NAA60: variants seen among roughly 807,000 people sequenced by gnomAD.
NAA60 encodes N-alpha-acetyltransferase 60.
NAA60 carries 8 observed loss-of-function variants against 26.1 expected under a neutral mutation model. The ratio of observed to expected loss-of-function variants is 0.31; its 90% CI spans 0.18 to 0.55. The LOEUF is 0.55. Ranked by LOEUF, NAA60 falls within the 20% of genes least tolerant of loss-of-function variation. The probability of loss-of-function intolerance (pLI) is 0.93; values close to 1 mark genes in which losing one functional copy is unlikely to be tolerated. For synonymous variants in NAA60, 131 were observed against 122.5 expected (o/e 1.07, Z -0.46); for missense variants, 290 against 311.3 (o/e 0.93, Z 0.51).
intron 2 of NAA60, among the ~76,000 whole-genome samples, chr16:3,451,803 A>G: frequency 6.6e-6 from 1 of 151,978 alleles, no homozygotes; most frequent in East Asian, 1.9e-4. Context: ...CTGTACTCCC[A>G]GCTACTCGGG....
chr16:3,448,346 C>G, intron 1 of NAA60, 125 bp from the exon 2 acceptor site: 1 of 635,974 alleles, frequency 1.6e-6, no homozygotes, highest in Non-Finnish European at 2.6e-6. Flanking sequence ...TTAATTTTTC[C>G]CCAAAAGGGC....
intron 2 of NAA60, among the ~76,000 whole-genome samples, chr16:3,454,878 G>A (rs967520680): frequency 2.6e-5 from 4 of 152,178 alleles, no homozygotes; most frequent in Non-Finnish European, 4.4e-5. Flanking sequence ...AACACAAAGA[G>A]AAAGGGTGGA....
At chr16:3,479,405 T>G (rs2036685848) in intron 3 of NAA60, 66 bp from the exon 4 acceptor site, 1 of 1,574,652 alleles carries the variant, frequency 6.4e-7, no homozygotes. Flanking sequence ...GGTTCTGATG[T>G]CTAGAGCACG....
intron 2 of NAA60, among the ~76,000 whole-genome samples, chr16:3,465,184 G>C (rs1458712856): frequency 1.3e-5 from 2 of 151,476 alleles, no homozygotes; most frequent in Non-Finnish European, 2.9e-5. Context: ...GGAGAATGGC[G>C]TGAACCCGGG....
intron 2 of NAA60, among the ~76,000 whole-genome samples, chr16:3,469,161 C>T (rs370580404): frequency 6.6e-6 from 1 of 152,170 alleles, no homozygotes; most frequent in African/African-American, 2.4e-5. Flanking sequence ...AGTAGAGATG[C>T]GTCCTGTGCC....
At chr16:3,450,699 C>CAA (rs539095336) in intron 2 of NAA60, among the ~76,000 whole-genome samples, 463 of 72,996 alleles carry the variant, frequency 6.3e-3, no homozygotes, top group Middle Eastern at 0.015. Flanking sequence ...GACTCCGTCT[C>CAA]AAAAAAAAAA....
chr16:3,450,415 C>T (rs2034728855), intron 2 of NAA60, among the ~76,000 whole-genome samples: 1 of 152,094 alleles, frequency 6.6e-6, no homozygotes, highest in Non-Finnish European at 1.5e-5. Context: ...GAAAGTTGTG[C>T]TCCTGCTGGG....
intron 2 of NAA60, among the ~76,000 whole-genome samples, chr16:3,460,433 G>A (rs1453034837): frequency 4.6e-5 from 7 of 152,070 alleles, no homozygotes; most frequent in African/African-American, 1.7e-4. Context: ...GCGTAATCTC[G>A]GCTCACCGCA....
chr16:3,455,946 T>C lies in NAA60; in HGVS notation c.-7+7406T>C, dbSNP rs541961975. Among the ~76,000 whole-genome samples, 73 of 148,346 alleles carry C rather than the reference T, an allele frequency of 4.9e-4. No homozygotes were observed. The South Asian group carries it at 0.015, about 31-fold the overall frequency. On this transcript the variant is annotated intron_variant, in intron 2 of 7. Transcript: ENST00000407558. ...GGTCTCGATATCTTGACCTCATGGTTCACCCGACTTGACCTCCCAAAGTGC... is the reference window on the plus strand; with the variant it reads ...GGTCTCGATATCTTGACCTCATGGTCCACCCGACTTGACCTCCCAAAGTGC...
intron 2 of NAA60, among the ~76,000 whole-genome samples, chr16:3,454,756 C>G (rs1010144130): frequency 6.6e-6 from 1 of 152,128 alleles, no homozygotes; most frequent in African/African-American, 2.4e-5. Context: ...GCTTGACTTG[C>G]TTAGGCAGGG....
chr16:3,451,294 T>A (rs2034773422), intron 2 of NAA60, among the ~76,000 whole-genome samples: 1 of 152,212 alleles, frequency 6.6e-6, no homozygotes, highest in Admixed American at 6.5e-5. Flanking sequence ...ATAATATCTC[T>A]GAATGGATAC....
At chr16:3,482,037 A>T (rs1441697870) in intron 4 of NAA60, among the ~76,000 whole-genome samples, 1 of 152,136 alleles carries the variant, frequency 6.6e-6, no homozygotes. Context: ...CGGCCGCCCA[A>T]GTCTCACTCC....
At chr16:3,447,022 A>T (rs2034584333) in intron 1 of NAA60, among the ~76,000 whole-genome samples, 1 of 151,400 alleles carries the variant, frequency 6.6e-6, no homozygotes, top group Admixed American at 6.6e-5. Context: ...TTGTATTTTT[A>T]GTAGAGGACG....
chr16:3,479,247 A>G (rs2036676683), intron 3 of NAA60, among the ~76,000 whole-genome samples: 1 of 152,194 alleles, frequency 6.6e-6, no homozygotes, highest in African/African-American at 2.4e-5. Context: ...TCTCAAAAGA[A>G]AAAAATTCCC....
At chr16:3,462,769 A>C (rs889738365) in intron 2 of NAA60, 1 of 152,320 alleles carries the variant, frequency 6.6e-6, no homozygotes, top group South Asian at 2.1e-4. Context: ...GATGGGGCGC[A>C]TACAGGATTC....
intron 4 of NAA60, among the ~76,000 whole-genome samples, chr16:3,480,334 T>C (rs1342216847): frequency 2.6e-5 from 4 of 152,078 alleles, no homozygotes; most frequent in Admixed American, 2.6e-4. Context: ...CAGTGGCTCA[T>C]GCCTGTAATC....
chr16:3,478,757 TC>T (rs2036641206), intron 3 of NAA60, among the ~76,000 whole-genome samples: 1 of 152,120 alleles, frequency 6.6e-6, no homozygotes, highest in Non-Finnish European at 1.5e-5. Flanking sequence ...ACCTGGCTCT[TC>T]CTGGAATCAC....
intron 1 of NAA60, among the ~76,000 whole-genome samples, chr16:3,445,869 G>A (rs894536194): frequency 6.6e-6 from 1 of 152,156 alleles, no homozygotes; most frequent in Non-Finnish European, 1.5e-5. Context: ...GGACAAAGAA[G>A]GAGGAAGCTT....
intron 2 of NAA60, among the ~76,000 whole-genome samples, chr16:3,459,464 A>G (rs1363777697): frequency 6.6e-6 from 1 of 152,258 alleles, no homozygotes; most frequent in African/African-American, 2.4e-5. Context: ...ATTAAAGACC[A>G]GAAGAAACTC....
Sources: gnomAD v4.1 joint callset for allele counts (sites outside exome capture counted in the v4.1 genomes callset) on GRCh38, gnomAD v4.1.1 for gene constraint, MANE v1.5 for transcripts, NCBI Gene and HGNC (gene_info 2026-07-23, HGNC 2026-07-21) for gene names.